Variants in ALCAM observed in about 807,000 individuals in gnomAD.
The protein encoded by ALCAM is CD166 antigen.
In ALCAM, 30 loss-of-function variants were observed where a neutral mutation model predicts 70.9. The ratio of observed to expected loss-of-function variants is 0.42; its 90% CI spans 0.32 to 0.57. The LOEUF (loss-of-function observed/expected upper bound fraction) is 0.57. ALCAM is among the 20% of genes least tolerant of loss of function. The pLI, the probability that ALCAM is intolerant of heterozygous loss-of-function variation, is 0.11. For synonymous variants in ALCAM, 249 were observed against 242.5 expected, an observed-to-expected ratio of 1.03 and a Z score of -0.25; for missense variants, 591 against 695.1, an observed-to-expected ratio of 0.85 and a Z score of 1.68.
chr3:105,418,721 A>G (rs1936570196), intron 1 of ALCAM, among the ~76,000 whole-genome samples: 1 of 151,810 alleles, frequency 6.6e-6, no homozygotes, highest in Admixed American at 6.6e-5. Flanking sequence ...AAGTAAAATG[A>G]GGGGTGAAAT....
intron 1 of ALCAM, among the ~76,000 whole-genome samples, chr3:105,503,602 T>C (rs983180082): frequency 1.3e-5 from 2 of 152,194 alleles, no homozygotes; most frequent in African/African-American, 2.4e-5. Context: ...TAATTTTCAA[T>C]AGCAAAAATC....
At chr3:105,480,529 T>A (rs1312109675) in intron 1 of ALCAM, among the ~76,000 whole-genome samples, 1 of 152,094 alleles carries the variant, frequency 6.6e-6, no homozygotes, top group Non-Finnish European at 1.5e-5. Flanking sequence ...TGAAACAGAA[T>A]TCTGCACCTT....
intron 5 of ALCAM, among the ~76,000 whole-genome samples, chr3:105,534,381 A>T (rs1456880146): frequency 6.6e-6 from 1 of 152,142 alleles, no homozygotes; most frequent in East Asian, 1.9e-4. Context: ...CATCATTTTC[A>T]GCCCTTGTAC....
rs1937159851 is a variant in ALCAM at position 105,441,060 on chromosome 3, A to G, written c.73+73579A>G. Among the ~76,000 whole-genome samples, 3 of 152,328 alleles carry G rather than the reference A, an allele frequency of 2.0e-5. No individual in the cohort carries two copies. The South Asian group carries it at 6.2e-4, about 32-fold the overall frequency. On this transcript the variant is annotated intron_variant, in intron 1 of 15. Coordinates refer to ENST00000306107, the MANE Select transcript of ALCAM (RefSeq NM_001627.4). Reference sequence around the variant, plus strand: ...CCTCCATCCAAGAATGCCTGAGCTAATGTAAATTAAGATCTGACTTTATGT... The same window carrying G: ...CCTCCATCCAAGAATGCCTGAGCTAGTGTAAATTAAGATCTGACTTTATGT...
chr3:105,533,474 G>A lies in ALCAM; in HGVS notation c.460-129G>A, dbSNP rs1412387284. On this transcript the variant is annotated intron_variant, in intron 4 of 15. Coordinates refer to ENST00000306107, the MANE Select transcript of ALCAM (RefSeq NM_001627.4). ...ACCAGAGAGCATGTATTCAGTCTTT[G>A]GTCAGTGTTGGAAAATAAACGGGTC... The A allele has an allele frequency of 5.1e-6, 3 of 587,616 alleles. No homozygotes were observed. The East Asian group carries it at 9.1e-5, about 18-fold the overall frequency. The allele number at this position is 587,616 out of a possible 1,614,324, so 36.4% of individuals were successfully genotyped here. A position where few individuals can be genotyped will look rare whatever the true frequency, so the allele number is the denominator to read the frequency against.
Position 105,475,047 on chromosome 3 carries a change from T to C in ALCAM, c.74-45020T>C, listed in dbSNP as rs115773012. ...AGATGTGGCTGGTGGGTTCATCTCA[T>C]CATACAGTTCGAATATATAGCCAGC... On this transcript the variant is annotated intron_variant, in intron 1 of 15. Transcript: ENST00000306107. Among the ~76,000 whole-genome samples the C allele has an allele frequency of 8.7e-3, 1,326 of 151,974 alleles. 13 individuals are homozygous for C. The highest frequency in any genetic ancestry group is 0.029 in the African/African-American group (1,217 of 41,516).
chr3:105,442,983 C>T (rs1018135292), intron 1 of ALCAM, among the ~76,000 whole-genome samples: 1 of 152,024 alleles, frequency 6.6e-6, no homozygotes, highest in Admixed American at 6.6e-5. Flanking sequence ...GTCACCATGC[C>T]TGGCTAATTT....
At chr3:105,526,068 A>G (rs1273038335) in intron 3 of ALCAM, among the ~76,000 whole-genome samples, 1 of 152,182 alleles carries the variant, frequency 6.6e-6, no homozygotes, top group Non-Finnish European at 1.5e-5. Context: ...GATAGTTATA[A>G]TGTCATAATA....
chr3:105,443,362 T>G (rs1406188987), intron 1 of ALCAM, among the ~76,000 whole-genome samples: 1 of 152,298 alleles, frequency 6.6e-6, no homozygotes. Context: ...TTCATTTCCA[T>G]TGTGTTGAAA....
At chr3:105,402,174 C>G (rs1936106020) in intron 1 of ALCAM, among the ~76,000 whole-genome samples, 1 of 152,156 alleles carries the variant, frequency 6.6e-6, no homozygotes, top group Non-Finnish European at 1.5e-5. Context: ...CATTTATACT[C>G]AATGGAAATA....
intron 1 of ALCAM, among the ~76,000 whole-genome samples, chr3:105,394,142 T>C (rs776447014): frequency 1.3e-5 from 2 of 151,950 alleles, no homozygotes; most frequent in Admixed American, 1.3e-4. Flanking sequence ...CCTGTAAGCC[T>C]CCTAAAGCTG....
At chr3:105,386,089 G>A (rs939676078) in intron 1 of ALCAM, among the ~76,000 whole-genome samples, 2 of 151,556 alleles carry the variant, frequency 1.3e-5, no homozygotes, top group African/African-American at 4.8e-5. Context: ...TGGGCAGTGA[G>A]CATCTGCTTC....
At chr3:105,449,417 G>T (rs903273467) in intron 1 of ALCAM, among the ~76,000 whole-genome samples, 4 of 152,162 alleles carry the variant, frequency 2.6e-5, no homozygotes, top group Non-Finnish European at 4.4e-5. Context: ...ATAGCAGGTG[G>T]ATATTTCCAA....
chr3:105,421,402 T>A (rs923458080), intron 1 of ALCAM, among the ~76,000 whole-genome samples: 8 of 151,496 alleles, frequency 5.3e-5, no homozygotes, highest in African/African-American at 1.9e-4. Context: ...AATACCAAAT[T>A]TCAATGACCA....
intron 1 of ALCAM, among the ~76,000 whole-genome samples, chr3:105,398,486 A>T (rs1450209607): frequency 6.6e-6 from 1 of 152,076 alleles, no homozygotes; most frequent in Non-Finnish European, 1.5e-5. Flanking sequence ...TTTTCAATTT[A>T]ATCATCACTT....
intron 1 of ALCAM, among the ~76,000 whole-genome samples, chr3:105,498,813 G>A (rs1344670738): frequency 6.6e-6 from 1 of 152,106 alleles, no homozygotes; most frequent in Non-Finnish European, 1.5e-5. Flanking sequence ...CTGACTCCTT[G>A]CTAAATTCCC....
intron 1 of ALCAM, among the ~76,000 whole-genome samples, chr3:105,403,139 G>T (rs915757218): frequency 2.0e-5 from 3 of 151,902 alleles, no homozygotes; most frequent in African/African-American, 7.3e-5. Flanking sequence ...TAGAGACGGG[G>T]TTTCCCCATG....
intron 1 of ALCAM, among the ~76,000 whole-genome samples, chr3:105,422,458 C>T (rs1466212955): frequency 6.6e-6 from 1 of 151,464 alleles, no homozygotes; most frequent in East Asian, 1.9e-4. Flanking sequence ...TTTTTGTATG[C>T]CAATTGCCAA....
chr3:105,544,572 ATTAT>A (rs1940198701), intron 8 of ALCAM: 1 of 152,594 alleles, frequency 6.6e-6, no homozygotes, highest in African/African-American at 2.4e-5. Flanking sequence ...TTATAAGGTC[ATTAT>A]TTATCTCTGC....
Sources: gnomAD v4.1 joint callset for allele counts (sites outside exome capture counted in the v4.1 genomes callset) on GRCh38, gnomAD v4.1.1 for gene constraint, MANE v1.5 for transcripts, NCBI Gene and HGNC (gene_info 2026-07-23, HGNC 2026-07-21) for gene names.